Variants in FUT9 observed in about 807,000 individuals in gnomAD.
FUT9 encodes fucosyltransferase 9.
In FUT9, 15 loss-of-function variants were observed where a neutral mutation model predicts 29.7. The observed-to-expected ratio is 0.51, with a 90% confidence interval of 0.34 to 0.78. FUT9 has a LOEUF of 0.78. Ranked by LOEUF, FUT9 falls within the 30% of genes least tolerant of loss-of-function variation. FUT9 has a pLI of 0.01. For missense variants in FUT9, 319 were observed against 425.4 expected (o/e 0.75, Z 2.20); for synonymous variants, 169 against 153.7 (o/e 1.10, Z -0.74).
intron 1 of FUT9, among the ~76,000 whole-genome samples, chr6:96,021,266 T>TTTGTTGTTGTTGTTGTTG (rs1554187068): frequency 6.6e-6 from 1 of 151,946 alleles, no homozygotes; most frequent in African/African-American, 2.4e-5. Flanking sequence ...GACAGAGTTT[T>TTTGTTGTTGTTGTTGTTG]TTGTTGTTGT....
At chr6:96,102,229 G>C (rs1771598542) in intron 1 of FUT9, among the ~76,000 whole-genome samples, 1 of 151,534 alleles carries the variant, frequency 6.6e-6, no homozygotes, top group African/African-American at 2.4e-5. Context: ...TGTAGATGTA[G>C]GTATTTAAAA....
In FUT9 at chr6:96,204,680, G is replaced by A. The variant is rs142227925; in HGVS notation, c.*445G>A. 2.0e-3 allele frequency: 332 copies of A among 167,118 alleles called. 2 individuals are homozygous for A. The highest frequency in any genetic ancestry group is 7.5e-3 in the African/African-American group (313 of 41,568). The allele number at this position is 167,118 out of a possible 1,614,324, so 10.4% of individuals were successfully genotyped here. A position where few individuals can be genotyped will look rare whatever the true frequency, so the allele number is the denominator to read the frequency against. ...CTATAACAGAGGAAGAACATGTTGC[G>A]ATTGAATTCTAACCTCTTTGACTCC... is the stretch of plus-strand genomic sequence containing the variant. On this transcript the variant is annotated 3_prime_UTR_variant, in exon 3 of 3. Coordinates refer to ENST00000302103, the MANE Select transcript of FUT9 (RefSeq NM_006581.4).
chr6:96,138,004 T>C (rs1772389482), intron 2 of FUT9, among the ~76,000 whole-genome samples: 1 of 59,124 alleles, frequency 1.7e-5, no homozygotes, highest in Non-Finnish European at 4.6e-5. Flanking sequence ...CAAACCTGTC[T>C]CTAATGTGCT....
intron 2 of FUT9, among the ~76,000 whole-genome samples, chr6:96,146,362 A>G (rs1002305216): frequency 2.6e-5 from 4 of 152,226 alleles, no homozygotes; most frequent in Admixed American, 6.5e-5. Context: ...TCAATCCTGG[A>G]AAGTATTTAT....
At chr6:96,098,233 AT>A (rs1771533298) in intron 1 of FUT9, among the ~76,000 whole-genome samples, 1 of 152,080 alleles carries the variant, frequency 6.6e-6, no homozygotes, top group Non-Finnish European at 1.5e-5. Flanking sequence ...ATAAAGCATG[AT>A]TTTCAGAACC....
At chr6:96,023,012 T>C (rs938134211) in intron 1 of FUT9, among the ~76,000 whole-genome samples, 1 of 152,032 alleles carries the variant, frequency 6.6e-6, no homozygotes, top group Middle Eastern at 3.4e-3. Flanking sequence ...TAATTAGGGA[T>C]GTGGGACCCC....
intron 2 of FUT9, among the ~76,000 whole-genome samples, chr6:96,185,735 T>C (rs1773394147): frequency 6.6e-6 from 1 of 152,128 alleles, no homozygotes; most frequent in South Asian, 2.1e-4. Flanking sequence ...AATGTTCTCT[T>C]TGATGTATTC....
At chr6:96,180,317 G>A (rs1273013920) in intron 2 of FUT9, among the ~76,000 whole-genome samples, 2 of 152,012 alleles carry the variant, frequency 1.3e-5, no homozygotes. Flanking sequence ...CTGAGACATG[G>A]AAGGTTGGGG....
At chr6:96,016,574 G>C (rs1769982972) in intron 1 of FUT9, among the ~76,000 whole-genome samples, 1 of 151,978 alleles carries the variant, frequency 6.6e-6, no homozygotes, top group South Asian at 2.1e-4. Context: ...GTGCACAAAC[G>C]CCCCTATCTG....
chr6:96,193,330 T>G (rs1190355393), intron 2 of FUT9, among the ~76,000 whole-genome samples: 1 of 137,416 alleles, frequency 7.3e-6, no homozygotes, highest in Non-Finnish European at 1.6e-5. Context: ...ATCCAGAATC[T>G]ACAAAGAACT....
At chr6:96,021,266 T>TTTG (rs1554187068) in intron 1 of FUT9, among the ~76,000 whole-genome samples, 4 of 152,062 alleles carry the variant, frequency 2.6e-5, no homozygotes, top group South Asian at 2.1e-4. Context: ...GACAGAGTTT[T>TTTG]TTGTTGTTGT....
chr6:96,031,130 G>A (rs1469681261), intron 1 of FUT9, among the ~76,000 whole-genome samples: 1 of 151,532 alleles, frequency 6.6e-6, no homozygotes, highest in East Asian at 1.9e-4. Flanking sequence ...GGAAGAATGA[G>A]AGAAGTCCCA....
intron 2 of FUT9, among the ~76,000 whole-genome samples, chr6:96,155,777 A>G (rs1413767859): frequency 6.6e-6 from 1 of 152,164 alleles, no homozygotes; most frequent in Non-Finnish European, 1.5e-5. Context: ...AGGCAGCAAT[A>G]GGGCAGCCAT....
chr6:96,046,179 G>C (rs1770560431), intron 1 of FUT9, among the ~76,000 whole-genome samples: 1 of 149,902 alleles, frequency 6.7e-6, no homozygotes, highest in African/African-American at 2.5e-5. Context: ...GGACCCAAAA[G>C]GGGAAATAAT....
intron 1 of FUT9, among the ~76,000 whole-genome samples, chr6:96,101,249 T>TA (rs1771580747): frequency 6.6e-6 from 1 of 152,082 alleles, no homozygotes; most frequent in Non-Finnish European, 1.5e-5. Context: ...ATTAAGAACA[T>TA]AAAAATGGGC....
chr6:96,021,546 A>G (rs1770069194), intron 1 of FUT9, among the ~76,000 whole-genome samples: 1 of 152,078 alleles, frequency 6.6e-6, no homozygotes, highest in Admixed American at 6.6e-5. Flanking sequence ...TAGCTATCCT[A>G]TAATCAAAAG....
At position 96,089,962 on chromosome 6, in the gene FUT9, A is replaced by G. The variant is rs1771383305; in HGVS notation, c.-97-24077A>G. The stretch of plus-strand genomic sequence containing the variant: ...TCAAACATAAGCCTGTATAATTCTG[A>G]AAAGAACCTGAAAACATGGTTGTAT... On this transcript the variant is annotated intron_variant, in intron 1 of 2. Transcript: ENST00000302103. 2.0e-5 allele frequency among the ~76,000 whole-genome samples: 3 copies of G among 152,170 alleles called. No individual in the cohort carries two copies. The South Asian group carries it at 6.2e-4, about 31-fold the overall frequency.
At chr6:96,196,248 T>A (rs1773622503) in intron 2 of FUT9, among the ~76,000 whole-genome samples, 1 of 152,116 alleles carries the variant, frequency 6.6e-6, no homozygotes, top group Non-Finnish European at 1.5e-5. Context: ...AATTTAAAAA[T>A]TAATAACAGC....
intron 1 of FUT9, among the ~76,000 whole-genome samples, chr6:96,063,699 T>G (rs1347231754): frequency 6.6e-6 from 1 of 152,102 alleles, no homozygotes; most frequent in Non-Finnish European, 1.5e-5. Flanking sequence ...CATTGCAGGG[T>G]CATGGATGGA....
Sources: allele counts gnomAD v4.1 joint callset (sites outside exome capture counted in the v4.1 genomes callset), GRCh38; gene constraint gnomAD v4.1.1; transcripts MANE v1.5; gene names NCBI Gene and HGNC (gene_info 2026-07-23, HGNC 2026-07-21).